The following IL1RAPL1 variants were observed in gnomAD, a reference collection of about 807,000 sequenced individuals.
IL1RAPL1 encodes the protein interleukin 1 receptor accessory protein like 1.
IL1RAPL1 carries 3 observed loss-of-function variants against 48.4 expected under a neutral mutation model. That is an observed-to-expected ratio of 0.06 (90% CI 0.03 to 0.16). The LOEUF is 0.16. IL1RAPL1 is among the 10% of genes least tolerant of loss of function. IL1RAPL1 has a pLI of 1.00. For missense variants in IL1RAPL1, 349 were observed against 530.6 expected (o/e 0.66, Z 3.36); for synonymous variants, 185 against 187.7 (o/e 0.99, Z 0.12).
chrX:28,973,047 C>T (rs1403377381), intron 2 of IL1RAPL1, among the ~76,000 whole-genome samples: 5 of 111,932 alleles, frequency 4.5e-5, no homozygotes, highest in African/African-American at 1.6e-4. Context: ...AGGTTCTGTG[C>T]AAATGTCTCT....
intron 2 of IL1RAPL1, among the ~76,000 whole-genome samples, chrX:28,934,158 A>G (rs1283584148): frequency 1.8e-5 from 2 of 110,931 alleles, no homozygotes; most frequent in Non-Finnish European, 3.8e-5. Context: ...CATTTTACCC[A>G]GCTCCTAGTC....
intron 6 of IL1RAPL1, among the ~76,000 whole-genome samples, chrX:29,908,212 A>C (rs1220754516): frequency 1.8e-5 from 2 of 110,037 alleles, no homozygotes; most frequent in African/African-American, 3.3e-5. Flanking sequence ...GCTGAGGTAG[A>C]TGCTCTTATG....
At chrX:29,644,429 G>A (rs191777229) in intron 5 of IL1RAPL1, among the ~76,000 whole-genome samples, 7 of 111,864 alleles carry the variant, frequency 6.3e-5, no homozygotes, top group Admixed American at 9.5e-5. Context: ...TCCCTCATTC[G>A]TGAATTTCGC....
chrX:29,080,999 TCTCTCTCTCTCTC>T (rs1927812931), intron 2 of IL1RAPL1, among the ~76,000 whole-genome samples: 1 of 61,647 alleles, frequency 1.6e-5, no homozygotes, highest in African/African-American at 7.2e-5. Context: ...TTTCTTTCTC[TCTCTCTCTCTCTC>T]TCTCTCTCTT....
At position 28,713,684 on chromosome X, in the gene IL1RAPL1, C is replaced by T. The variant is rs1052483311; in HGVS notation, c.-24-75636C>T. 7.2e-5 allele frequency among the ~76,000 whole-genome samples: 8 copies of T among 110,983 alleles called. No individual in the cohort carries two copies. The East Asian group carries it at 8.6e-4, about 12-fold the overall frequency. On this transcript the variant is annotated intron_variant, in intron 1 of 10. Coordinates refer to ENST00000378993, the MANE Select transcript of IL1RAPL1 (RefSeq NM_014271.4). Reference sequence around the variant, plus strand: ...CAACTGAGGAGAGTTATGAGTCAAACGCATCCTGTTTTCAAACTCATACAT... The same window carrying T: ...CAACTGAGGAGAGTTATGAGTCAAATGCATCCTGTTTTCAAACTCATACAT...
intron 1 of IL1RAPL1, among the ~76,000 whole-genome samples, chrX:28,605,136 C>T (rs977519391): frequency 1.3e-4 from 15 of 111,994 alleles, no homozygotes; most frequent in Non-Finnish European, 2.6e-4. Flanking sequence ...ACACTCACCC[C>T]TTAGTGATTT....
chrX:29,050,711 C>T (rs1219571056), intron 2 of IL1RAPL1, among the ~76,000 whole-genome samples: 2 of 112,336 alleles, frequency 1.8e-5, no homozygotes, highest in African/African-American at 6.5e-5. Flanking sequence ...ACTGCACAAT[C>T]ACAATTTTGT....
intron 5 of IL1RAPL1, among the ~76,000 whole-genome samples, chrX:29,596,490 C>G (rs1408266700): frequency 1.8e-5 from 2 of 111,745 alleles, no homozygotes; most frequent in Non-Finnish European, 3.8e-5. Context: ...TTTTTTGCAG[C>G]TTTTGTGAAA....
chrX:29,364,562 C>CA (rs766680904), intron 3 of IL1RAPL1, among the ~76,000 whole-genome samples: 3,196 of 43,204 alleles, frequency 0.074, 347 homozygotes, highest in African/African-American at 0.26. Context: ...GACTCTATCT[C>CA]AAAAAAAAAA....
intron 5 of IL1RAPL1, among the ~76,000 whole-genome samples, chrX:29,461,512 A>T (rs1157925372): frequency 9.0e-6 from 1 of 111,649 alleles, no homozygotes; most frequent in Non-Finnish European, 1.9e-5. Flanking sequence ...CAGCAACTCC[A>T]CACCTAGATA....
At chrX:29,598,417 A>T (rs1440846797) in intron 5 of IL1RAPL1, among the ~76,000 whole-genome samples, 1 of 111,663 alleles carries the variant, frequency 9.0e-6, no homozygotes, top group Admixed American at 9.5e-5. Flanking sequence ...GTTTTCTTAA[A>T]TTTACTGAGA....
At chrX:28,979,360 T>G (rs1234984531) in intron 2 of IL1RAPL1, among the ~76,000 whole-genome samples, 1 of 112,288 alleles carries the variant, frequency 8.9e-6, no homozygotes, top group East Asian at 2.8e-4. Context: ...CAATATACTT[T>G]CATGTGTAGT....
At chrX:29,197,786 G>A (rs569816004) in intron 2 of IL1RAPL1, among the ~76,000 whole-genome samples, 2 of 102,415 alleles carry the variant, frequency 2.0e-5, no homozygotes, top group Admixed American at 1.1e-4. Flanking sequence ...TCGCCTCACC[G>A]CAACCTCCGC....
Position 29,884,822 on chromosome X carries a change from C to G in IL1RAPL1, c.779-32642C>G, listed in dbSNP as rs746307482. Among the ~76,000 whole-genome samples, 3 of 111,504 alleles carry G rather than the reference C, an allele frequency of 2.7e-5. No homozygotes were observed. In the East Asian group the frequency reaches 8.5e-4, roughly 32 times the overall value. On this transcript the variant is annotated intron_variant, in intron 6 of 10. Transcript: ENST00000378993. ...CCAGAATCTTAGAAATAATCCTTGA[C>G]TTTTTATTCTCTCACTCTTTACATC...
chrX:28,733,303 CA>C (rs988904771), intron 1 of IL1RAPL1, among the ~76,000 whole-genome samples: 42 of 110,801 alleles, frequency 3.8e-4, no homozygotes, highest in Non-Finnish European at 3.8e-5. Flanking sequence ...CTAATCTTAA[CA>C]ATATTTTTGT....
chrX:29,844,717 A>G (rs1261261741), intron 6 of IL1RAPL1, among the ~76,000 whole-genome samples: 1 of 112,532 alleles, frequency 8.9e-6, no homozygotes, highest in Non-Finnish European at 1.9e-5. Flanking sequence ...TGTGCAAACT[A>G]CATAATTTTA....
chrX:29,405,480 C>G (rs1483346534), intron 5 of IL1RAPL1, among the ~76,000 whole-genome samples: 1 of 98,730 alleles, frequency 1.0e-5, no homozygotes, highest in Non-Finnish European at 1.9e-5. Flanking sequence ...CATTCTCCTG[C>G]CTCAGCCTCC....
At chrX:29,538,337 T>C (rs1394115864) in intron 5 of IL1RAPL1, among the ~76,000 whole-genome samples, 1 of 70,814 alleles carries the variant, frequency 1.4e-5, no homozygotes, top group African/African-American at 6.7e-5. Context: ...TCTTTTCTTT[T>C]CTTTTTTTTT....
At chrX:29,243,390 A>G (rs941102887) in intron 2 of IL1RAPL1, among the ~76,000 whole-genome samples, 1 of 111,513 alleles carries the variant, frequency 9.0e-6, no homozygotes, top group Non-Finnish European at 1.9e-5. Flanking sequence ...ACCAATCACA[A>G]GTCCTCATGC....
Sources: allele counts gnomAD v4.1 joint callset (sites outside exome capture counted in the v4.1 genomes callset), GRCh38; gene constraint gnomAD v4.1.1; transcripts MANE v1.5; gene names NCBI Gene and HGNC (gene_info 2026-07-23, HGNC 2026-07-21).